DOCK2: variants seen among roughly 807,000 people sequenced by gnomAD.
DOCK2 encodes dedicator of cytokinesis protein 2.
Under a neutral mutation model 248.9 loss-of-function variants are expected in DOCK2, and 87 were observed. That is an observed-to-expected ratio of 0.35 (90% confidence interval 0.29 to 0.42). DOCK2 has a LOEUF of 0.42. Ranked by LOEUF, DOCK2 falls within the 10% of genes least tolerant of loss-of-function variation. DOCK2 has a pLI of 1.00. For missense variants in DOCK2, 1,747 were observed against 2,300.2 expected (o/e 0.76, Z 4.92); for synonymous variants, 805 against 821.6 (o/e 0.98, Z 0.35).
At chr5:169,991,715 T>A (rs1466047908) in intron 29 of DOCK2, among the ~76,000 whole-genome samples, 1 of 152,230 alleles carries the variant, frequency 6.6e-6, no homozygotes, top group Non-Finnish European at 1.5e-5. Context: ...AGTGGAAGCA[T>A]GCCAGTGCCG....
intron 26 of DOCK2, among the ~76,000 whole-genome samples, chr5:169,826,434 GA>G (rs1371856819): frequency 6.6e-6 from 1 of 152,086 alleles, no homozygotes. Context: ...GGGACGAGCT[GA>G]CCAAGACTGG....
At chr5:170,029,388 G>A (rs1432856172) in intron 34 of DOCK2, among the ~76,000 whole-genome samples, 2 of 152,262 alleles carry the variant, frequency 1.3e-5, no homozygotes, top group South Asian at 4.1e-4. Context: ...CTTATGGGTC[G>A]CTTGTATATC....
At chr5:170,035,832 C>G (rs781599862) in intron 35 of DOCK2, among the ~76,000 whole-genome samples, 1 of 152,138 alleles carries the variant, frequency 6.6e-6, no homozygotes, top group Non-Finnish European at 1.5e-5. Context: ...CTGCATTAAA[C>G]CAGGATATAC....
intron 27 of DOCK2, among the ~76,000 whole-genome samples, chr5:169,879,526 G>A (rs531355505): frequency 6.6e-6 from 1 of 152,182 alleles, no homozygotes; most frequent in African/African-American, 2.4e-5. Context: ...GGTAATGAGG[G>A]ATATATGCAT....
chr5:169,809,422 T>TG (rs1178576038), intron 26 of DOCK2, among the ~76,000 whole-genome samples: 1 of 152,206 alleles, frequency 6.6e-6, no homozygotes, highest in African/African-American at 2.4e-5. Context: ...CTAAACTCGT[T>TG]TGGAGTTCAG....
rs200461316 is a variant in DOCK2 at position 170,055,396 on chromosome 5, G to A, written c.4295+10G>A. 5.1e-4 allele frequency: 826 copies of A among 1,613,442 alleles called. 8 individuals are homozygous for A. In the South Asian group the frequency reaches 5.2e-3, roughly 10 times the overall value. On this transcript the variant is annotated intron_variant, in intron 42 of 51. Transcript: ENST00000520908. The stretch of plus-strand genomic sequence containing the variant: ...CTGACCAGATTATAAAGTAAGACTC[G>A]TTGTCCACAGGGAAGAAGGATGGGG...
chr5:169,720,037 T>A (rs1762107275), intron 22 of DOCK2, among the ~76,000 whole-genome samples: 1 of 152,202 alleles, frequency 6.6e-6, no homozygotes, highest in Non-Finnish European at 1.5e-5. Flanking sequence ...TCTTAACACA[T>A]TCTTTGAGAT....
chr5:169,902,614 G>A (rs1178600860), intron 27 of DOCK2, among the ~76,000 whole-genome samples: 3 of 152,228 alleles, frequency 2.0e-5, no homozygotes, highest in African/African-American at 7.2e-5. Context: ...GCTCCCTGGG[G>A]CCATTTGGGA....
intron 23 of DOCK2, among the ~76,000 whole-genome samples, chr5:169,753,845 G>C (rs1764044986): frequency 1.3e-5 from 2 of 152,168 alleles, no homozygotes; most frequent in African/African-American, 2.4e-5. Context: ...CATCTCAAAG[G>C]AAACTGCCTT....
intron 25 of DOCK2, among the ~76,000 whole-genome samples, chr5:169,800,374 C>G (rs1766890393): frequency 6.6e-6 from 1 of 152,214 alleles, no homozygotes; most frequent in Non-Finnish European, 1.5e-5. Flanking sequence ...GCAATATTAT[C>G]CACTTGTCAC....
intron 27 of DOCK2, among the ~76,000 whole-genome samples, chr5:169,927,375 T>A (rs1581429102): frequency 6.6e-6 from 1 of 152,194 alleles, no homozygotes; most frequent in South Asian, 2.1e-4. Context: ...TAGAGATTGC[T>A]GGACCCCATC....
chr5:169,645,806 G>T (rs1057415828), intron 1 of DOCK2, among the ~76,000 whole-genome samples: 1 of 151,980 alleles, frequency 6.6e-6, no homozygotes, highest in Non-Finnish European at 1.5e-5. Context: ...GGAGTGCAGC[G>T]GAGCAATCTC....
intron 16 of DOCK2, 42 bp downstream of exon 16, chr5:169,712,049 G>C: frequency 1.9e-6 from 3 of 1,614,004 alleles, no homozygotes; most frequent in Non-Finnish European, 2.5e-6. Flanking sequence ...CTCCCCCTAA[G>C]GGGAGAAGAA....
At chr5:169,957,342 A>G (rs1193392969) in intron 27 of DOCK2, among the ~76,000 whole-genome samples, 9 of 152,280 alleles carry the variant, frequency 5.9e-5, no homozygotes, top group Non-Finnish European at 1.3e-4. Context: ...TAGGATTGTC[A>G]TCAGAATTCA....
At chr5:169,993,804 A>T (rs1778269106) in intron 29 of DOCK2, among the ~76,000 whole-genome samples, 1 of 152,230 alleles carries the variant, frequency 6.6e-6, no homozygotes, top group Non-Finnish European at 1.5e-5. Context: ...GCTCACCTGC[A>T]GGACAGGCCA....
At chr5:169,651,206 T>A (rs1394414872) in intron 1 of DOCK2, among the ~76,000 whole-genome samples, 2 of 152,220 alleles carry the variant, frequency 1.3e-5, no homozygotes, top group Admixed American at 1.3e-4. Flanking sequence ...AGCCACTTCC[T>A]TTGTCAGTCA....
chr5:169,978,080 C>T (rs1777781078), intron 27 of DOCK2, among the ~76,000 whole-genome samples: 1 of 151,564 alleles, frequency 6.6e-6, no homozygotes, highest in African/African-American at 2.4e-5. Context: ...CTCACTGGTG[C>T]TTTCTATATT....
At chr5:169,846,896 G>C (rs1770351432) in intron 27 of DOCK2, among the ~76,000 whole-genome samples, 1 of 150,910 alleles carries the variant, frequency 6.6e-6, no homozygotes, top group African/African-American at 2.4e-5. Context: ...ACGTTACTCT[G>C]TATGCCTTTG....
chr5:169,645,293 A>T (rs1221281099), intron 1 of DOCK2, among the ~76,000 whole-genome samples: 1 of 152,208 alleles, frequency 6.6e-6, no homozygotes, highest in African/African-American at 2.4e-5. Flanking sequence ...CCTCACCAGC[A>T]TCTATAGTTT....
Sources: allele counts gnomAD v4.1 joint callset (sites outside exome capture counted in the v4.1 genomes callset), GRCh38; gene constraint gnomAD v4.1.1; transcripts MANE v1.5; gene names NCBI Gene and HGNC (gene_info 2026-07-23, HGNC 2026-07-21).